The following PACRGL variants were observed in gnomAD, a reference collection of about 807,000 sequenced individuals.
PACRGL encodes PACRG-like protein.
In PACRGL, 38 loss-of-function variants were observed where a neutral mutation model predicts 34.5. That is an observed-to-expected ratio of 1.10 (90% confidence interval 0.85 to 1.44). The LOEUF (loss-of-function observed/expected upper bound fraction) is 1.44. PACRGL is among the 40% of genes most tolerant of loss of function. The pLI is 0.00. For synonymous variants in PACRGL, 128 were observed against 100.1 expected (o/e 1.28, Z -1.66); for missense variants, 305 against 281.4 (o/e 1.08, Z -0.60).
At chr4:20,701,179 A>G (rs1304717125) in intron 1 of PACRGL, among the ~76,000 whole-genome samples, 1 of 152,208 alleles carries the variant, frequency 6.6e-6, no homozygotes, top group Non-Finnish European at 1.5e-5. Flanking sequence ...GTTTTAGTTC[A>G]GTGGTCTTAA....
downstream of PACRGL, among the ~76,000 whole-genome samples, chr4:20,734,371 T>G (rs1367722834): frequency 6.6e-6 from 1 of 152,220 alleles, no homozygotes; most frequent in Non-Finnish European, 1.5e-5. Context: ...AACCATGATC[T>G]TTATTCCATT....
chr4:20,730,418 C>G lies in PACRGL; in HGVS notation c.*3077C>G, dbSNP rs1747759694. Among the ~76,000 whole-genome samples, 1 of 151,990 alleles carries G rather than the reference C, an allele frequency of 6.6e-6. No individual in the cohort carries two copies. Among genetic ancestry groups the G allele is most frequent in the Admixed American group, 6.6e-5 (1 of 15,244 alleles). On this transcript the variant is annotated 3_prime_UTR_variant, in exon 9 of 9. Transcript: ENST00000503585. ...AGAGGATATTTCTCAAATCATAATG[C>G]CAAAATGGAAACTACAGAGGTGCAG...
At chr4:20,724,765 A>T in intron 7 of PACRGL, 43 bp from the exon 8 acceptor site, 1 of 1,181,826 alleles carries the variant, frequency 8.5e-7, no homozygotes, top group Non-Finnish European at 1.1e-6. Flanking sequence ...GAGCATTGTT[A>T]AGTTTAAAGT....
intron 8 of PACRGL, among the ~76,000 whole-genome samples, chr4:20,742,430 T>C (rs757285902): frequency 1.4e-4 from 21 of 152,144 alleles, no homozygotes; most frequent in Admixed American, 1.1e-3. Flanking sequence ...AATCAATAAA[T>C]GTAATCCATC....
chr4:20,703,379 A>G (rs1733058414), intron 1 of PACRGL, among the ~76,000 whole-genome samples: 1 of 152,284 alleles, frequency 6.6e-6, no homozygotes, highest in East Asian at 1.9e-4. Flanking sequence ...AATCAATGCC[A>G]TAGAAATACA....
chr4:20,757,652 C>T (rs537369870), downstream of PACRGL, among the ~76,000 whole-genome samples: 12 of 152,186 alleles, frequency 7.9e-5, no homozygotes, highest in South Asian at 1.7e-3. Context: ...CCTTTTAAAG[C>T]GGGAAGACAT....
At chr4:20,712,974 A>G (rs1407589566) in intron 6 of PACRGL, 52 bp downstream of exon 6, 8 of 1,421,720 alleles carry the variant, frequency 5.6e-6, no homozygotes, top group Non-Finnish European at 7.5e-6. Context: ...ATAGAAAAGA[A>G]AGCTGTAATA....
intron 7 of PACRGL, among the ~76,000 whole-genome samples, chr4:20,715,784 G>T (rs1739649257): frequency 6.6e-6 from 1 of 152,084 alleles, no homozygotes; most frequent in African/African-American, 2.4e-5. Flanking sequence ...AGAATTGCTT[G>T]AACCTTGGAG....
At chr4:20,760,163 GTC>G in the PACRGL span, among the ~76,000 whole-genome samples, 1 of 152,132 alleles carries the variant, frequency 6.6e-6, no homozygotes, top group African/African-American at 2.4e-5. Context: ...GTTCTGTTTA[GTC>G]TCTTTTAGTA....
At chr4:20,723,337 G>A (rs1219129492) in intron 7 of PACRGL, among the ~76,000 whole-genome samples, 1 of 152,122 alleles carries the variant, frequency 6.6e-6, no homozygotes, top group Non-Finnish European at 1.5e-5. Flanking sequence ...TTTTGTGCCA[G>A]GTATGCCAAG....
At chr4:20,702,225 G>A (rs1732490235) in intron 1 of PACRGL, 1 of 456,502 alleles carries the variant, frequency 2.2e-6, no homozygotes, top group South Asian at 1.6e-5. Context: ...TGAATTGGTA[G>A]GTAGTATTGA....
At chr4:20,736,157 T>C (rs1749576455), downstream of PACRGL, among the ~76,000 whole-genome samples, 1 of 152,214 alleles carries the variant, frequency 6.6e-6, no homozygotes, top group Admixed American at 6.5e-5. Context: ...CTGGCATAAA[T>C]AGTTTGTATT....
intron 7 of PACRGL, among the ~76,000 whole-genome samples, chr4:20,723,261 G>A (rs1353268997): frequency 2.6e-5 from 4 of 152,130 alleles, no homozygotes; most frequent in Admixed American, 6.5e-5. Context: ...TTTCACACTA[G>A]TATACAAAGT....
rs1260697355 is a variant in PACRGL, at chr4:20,704,773, C to T, written c.166C>T (p.Pro56Ser). Residue 56 changes from proline to serine, a missense_variant, in exon 3 of 9, where the codon CCT (proline) becomes TCT (serine). By Grantham distance (74) the Pro-to-Ser change is moderately conservative (BLOSUM62 -1). Transcript: ENST00000503585. The part of the protein sequence containing the change: ...SSPESARKLH[P>S]RPSDKLNPKT... ...TCCAGAGTCTGCAAGAAAACTTCATCCTAGACCAAGTGATAAACTGAACCC... is the reference window on the plus strand; with the variant it reads ...TCCAGAGTCTGCAAGAAAACTTCATTCTAGACCAAGTGATAAACTGAACCC... 1 of 1,614,082 alleles carries T rather than the reference C, an allele frequency of 6.2e-7. No homozygotes were observed. The highest frequency in any genetic ancestry group is 1.1e-5 in the South Asian group (1 of 91,078).
At chr4:20,701,276 A>G (rs760994178) in intron 1 of PACRGL, among the ~76,000 whole-genome samples, 11 of 152,304 alleles carry the variant, frequency 7.2e-5, no homozygotes, top group African/African-American at 2.4e-4. Context: ...CTTTCCTACC[A>G]TTGACACAGA....
In PACRGL at chr4:20,741,285, G is replaced by A. The variant is rs867680751; in HGVS notation, c.*57-11280G>A. Among the ~76,000 whole-genome samples the A allele has an allele frequency of 2.6e-4, 40 of 152,014 alleles. No individual in the cohort carries two copies. In the Middle Eastern group the frequency reaches 0.01, roughly 39 times the overall value. Reference sequence around the variant, plus strand: ...GAATATAGATTCTTCTCAGCACTACGTCACACTTATTCCAAAATTGACCAC... The same window carrying A: ...GAATATAGATTCTTCTCAGCACTACATCACACTTATTCCAAAATTGACCAC... On this transcript the variant is annotated intron_variant, in intron 8 of 8. Transcript: ENST00000507634.
At chr4:20,714,797 G>A (rs576132159) in intron 7 of PACRGL, among the ~76,000 whole-genome samples, 1 of 152,270 alleles carries the variant, frequency 6.6e-6, no homozygotes, top group East Asian at 1.9e-4. Flanking sequence ...AGGATGTGGA[G>A]AAATAGGAAC....
downstream of PACRGL, among the ~76,000 whole-genome samples, chr4:20,735,163 T>C (rs1253609790): frequency 1.3e-5 from 2 of 152,146 alleles, no homozygotes; most frequent in East Asian, 3.8e-4. Context: ...GATAAACCAA[T>C]TGTGGTCTTT....
At chr4:20,702,532 C>T (rs184704808) in intron 1 of PACRGL, 222 of 173,116 alleles carry the variant, frequency 1.3e-3, no homozygotes, top group Admixed American at 2.6e-3. Flanking sequence ...GCATGCCTCC[C>T]ATTATGGAAA....
Sources: allele counts gnomAD v4.1 joint callset (sites outside exome capture counted in the v4.1 genomes callset), GRCh38; gene constraint gnomAD v4.1.1; transcripts MANE v1.5; gene names NCBI Gene and HGNC (gene_info 2026-07-23, HGNC 2026-07-21).